Variants in ABLIM3 observed in about 807,000 individuals in gnomAD.
ABLIM3 encodes the protein actin-binding LIM protein 3.
Under a neutral mutation model 109.5 loss-of-function variants are expected in ABLIM3, and 61 were observed. The observed-to-expected ratio is 0.56, with a 90% CI of 0.45 to 0.69. The LOEUF (loss-of-function observed/expected upper bound fraction) is 0.69, where lower values mean the gene tolerates loss of function less well. Ranked by LOEUF, ABLIM3 falls within the 30% of genes least tolerant of loss-of-function variation. ABLIM3 has a pLI of 0.00. For synonymous variants in ABLIM3, 300 were observed against 324.8 expected (o/e 0.92, Z 0.82); for missense variants, 796 against 889.5 (o/e 0.89, Z 1.34).
chr5:149,239,808 G>A lies in ABLIM3; in HGVS notation c.1124G>A (p.Gly375Glu). Reference protein sequence around the residue: ...DLRQRRASSPGYIDSPTYSRQ... With the variant: ...DLRQRRASSPEYIDSPTYSRQ... ...CGGCAGAGACGGGCCTCCAGCCCGG[G>A]GTACATAGACTCCCCCACCTACAGC... The change falls in exon 13 of 24, where the codon GGG becomes GAG. Residue 375 changes from glycine (G) to glutamate (E), a missense_variant. Coordinates refer to ENST00000309868, the MANE Select transcript of ABLIM3 (RefSeq NM_014945.5). 1 of 1,609,634 alleles carries A rather than the reference G, an allele frequency of 6.2e-7. No individual in the cohort carries two copies. Among genetic ancestry groups the A allele is most frequent in the Non-Finnish European group, 8.5e-7 (1 of 1,177,944 alleles).
At chr5:149,144,235 C>T (rs1351275850) in intron 2 of ABLIM3, among the ~76,000 whole-genome samples, 3 of 152,170 alleles carry the variant, frequency 2.0e-5, no homozygotes, top group Non-Finnish European at 4.4e-5. Flanking sequence ...GGAAGCCCTC[C>T]GGGTTCCCCC....
chr5:149,169,874 A>G (rs962889878), intron 2 of ABLIM3, among the ~76,000 whole-genome samples: 2 of 152,202 alleles, frequency 1.3e-5, no homozygotes, highest in Non-Finnish European at 2.9e-5. Context: ...GTTTAATTTA[A>G]ATTAATGGAA....
At chr5:149,237,193 C>T (rs966685342) in intron 10 of ABLIM3, among the ~76,000 whole-genome samples, 1 of 152,182 alleles carries the variant, frequency 6.6e-6, no homozygotes, top group Non-Finnish European at 1.5e-5. Flanking sequence ...ATTACAACAT[C>T]TAGAGGATAT....
intron 8 of ABLIM3, 53 bp from the exon 9 acceptor site, chr5:149,230,596 A>T (rs1166520692): frequency 5.7e-6 from 9 of 1,578,584 alleles, no homozygotes; most frequent in Non-Finnish European, 7.8e-6. Flanking sequence ...ACATGGGGAG[A>T]GTGCTGGAGG....
In ABLIM3 at chr5:149,198,481, G is replaced by T. The variant is rs757200798; in HGVS notation, c.335+79G>T. The T allele has an allele frequency of 1.8e-5, 26 of 1,467,788 alleles. No individual in the cohort carries two copies. The highest frequency in any genetic ancestry group is 2.3e-5 in the Non-Finnish European group (25 of 1,105,784). 90.9% of individuals were successfully genotyped at this position (1,467,788 alleles called of 1,614,324 possible). On this transcript the variant is annotated intron_variant, in intron 4 of 23. Coordinates refer to ENST00000309868, the MANE Select transcript of ABLIM3 (RefSeq NM_014945.5). This position sits in a 1 kb window ranked among gnomAD's most constrained non-coding sequence, Gnocchi z 4.2. ...GGGAAGACCTGGCTTTTTCCAGGAA[G>T]TTCTGGGGTTTACAAGGTTTGTGCT...
intron 3 of ABLIM3, among the ~76,000 whole-genome samples, chr5:149,185,031 G>A (rs1756820249): frequency 6.6e-6 from 1 of 152,158 alleles, no homozygotes; most frequent in Admixed American, 6.5e-5. Context: ...TGAAATTGAG[G>A]CGGGACGAAG....
chr5:149,217,751 A>G (rs1760241721), intron 8 of ABLIM3: 1 of 152,258 alleles, frequency 6.6e-6, no homozygotes. Context: ...TCAGCCTAGC[A>G]TTTAAAATCT....
chr5:149,153,752 A>T (rs1753641495), intron 2 of ABLIM3, among the ~76,000 whole-genome samples: 1 of 152,172 alleles, frequency 6.6e-6, no homozygotes, highest in South Asian at 2.1e-4. Flanking sequence ...GAGAGTATGG[A>T]TGGTCCCTCA....
intron 11 of ABLIM3, among the ~76,000 whole-genome samples, chr5:149,238,188 G>A (rs1752426691): frequency 1.3e-5 from 2 of 152,194 alleles, no homozygotes; most frequent in Admixed American, 1.3e-4. Context: ...CTAAACAAGA[G>A]AAAGTGTTTT....
At chr5:149,157,799 C>A (rs73798003) in intron 2 of ABLIM3, among the ~76,000 whole-genome samples, 142 of 152,186 alleles carry the variant, frequency 9.3e-4, no homozygotes, top group African/African-American at 3.2e-3. Flanking sequence ...TATAGGAAAG[C>A]CCCTAATCCA....
At chr5:149,188,317 A>T (rs1474934205) in intron 3 of ABLIM3, among the ~76,000 whole-genome samples, 1 of 152,266 alleles carries the variant, frequency 6.6e-6, no homozygotes, top group Non-Finnish European at 1.5e-5. Flanking sequence ...CAAGGTTTCA[A>T]GATATAAGAT....
intron 2 of ABLIM3, among the ~76,000 whole-genome samples, chr5:149,161,968 ACAC>A (rs1754413305): frequency 6.6e-6 from 1 of 152,048 alleles, no homozygotes; most frequent in Non-Finnish European, 1.5e-5. Context: ...AGGAGTCAGA[ACAC>A]CTGTGTTGAA....
At chr5:149,151,703 G>A (rs1198704454) in intron 2 of ABLIM3, among the ~76,000 whole-genome samples, 1 of 152,234 alleles carries the variant, frequency 6.6e-6, no homozygotes. Context: ...TCCACAGCCA[G>A]TCTGTTTGCC....
At chr5:149,208,899 TC>T (rs1409337314) in intron 6 of ABLIM3, among the ~76,000 whole-genome samples, 2 of 152,156 alleles carry the variant, frequency 1.3e-5, no homozygotes, top group African/African-American at 4.8e-5. Flanking sequence ...CTCTGAGAGT[TC>T]CATGGAAGGT....
At chr5:149,157,275 C>T (rs879586913) in intron 2 of ABLIM3, among the ~76,000 whole-genome samples, 3 of 152,166 alleles carry the variant, frequency 2.0e-5, no homozygotes, top group Non-Finnish European at 2.9e-5. Context: ...CAGAGACTTT[C>T]ACATTTGGGA....
intron 2 of ABLIM3, 125 bp from the exon 3 acceptor site, chr5:149,183,327 G>A (rs6886262): frequency 0.35 from 396,927 of 1,137,712 alleles, 71,144 homozygotes; most frequent in East Asian, 0.51. Flanking sequence ...ATGAATTGAA[G>A]ATACTTTGCA....
At chr5:149,243,383 G>A (rs1259937599) in intron 15 of ABLIM3, 1 of 152,186 alleles carries the variant, frequency 6.6e-6, no homozygotes, top group African/African-American at 2.4e-5. Context: ...CCCTTCCATT[G>A]AAGCTGCAGA....
chr5:149,230,029 C>A (rs1271955370), intron 8 of ABLIM3, among the ~76,000 whole-genome samples: 1 of 152,224 alleles, frequency 6.6e-6, no homozygotes, highest in Non-Finnish European at 1.5e-5. Flanking sequence ...GGTAGACAGT[C>A]ATAAGTCTTT....
chr5:149,196,878 A>G (rs912117890), intron 3 of ABLIM3, among the ~76,000 whole-genome samples: 1 of 151,878 alleles, frequency 6.6e-6, no homozygotes, highest in African/African-American at 2.4e-5. Context: ...TGGATCTCAC[A>G]TAATTCAATT....
Sources: allele counts gnomAD v4.1 joint callset (sites outside exome capture counted in the v4.1 genomes callset), GRCh38; gene constraint gnomAD v4.1.1; non-coding constraint Gnocchi (gnomAD v3.1); transcripts MANE v1.5; gene names NCBI Gene and HGNC (gene_info 2026-07-23, HGNC 2026-07-21).